Variants in MCU observed in about 807,000 individuals in gnomAD.
The protein encoded by MCU is calcium uniporter protein, mitochondrial.
Under a neutral mutation model 45.2 loss-of-function variants are expected in MCU, and 12 were observed. The ratio of observed to expected loss-of-function variants is 0.27; its 90% CI spans 0.17 to 0.43. The LOEUF (loss-of-function observed/expected upper bound fraction) is 0.43. Among genes scored for constraint, MCU ranks in the 20% least tolerant of loss-of-function variants. The pLI, the probability that MCU is intolerant of heterozygous loss-of-function variation, is 1.00. For missense variants in MCU, 324 were observed against 436.7 expected, an observed-to-expected ratio of 0.74 and a Z score of 2.30; for synonymous variants, 160 against 165.1, an observed-to-expected ratio of 0.97 and a Z score of 0.24.
chr10:72,692,814 C>G (rs990608097), intron 1 of MCU: 16 of 1,419,070 alleles, frequency 1.1e-5, no homozygotes, highest in African/African-American at 1.4e-5. Context: ...GGCCGCCCCT[C>G]GTCCTCTCTC....
intron 1 of MCU, among the ~76,000 whole-genome samples, chr10:72,703,404 C>A (rs557030195): frequency 2.6e-5 from 4 of 152,298 alleles, no homozygotes; most frequent in African/African-American, 9.6e-5. Context: ...TCACACCTAG[C>A]ATATAAACCC....
intron 1 of MCU, among the ~76,000 whole-genome samples, chr10:72,786,991 A>G (rs778687822): frequency 2.0e-5 from 3 of 152,204 alleles, no homozygotes; most frequent in Non-Finnish European, 4.4e-5. Context: ...GAAAATTTAT[A>G]TATGGAGAGA....
At chr10:72,846,954 G>A (rs980110734) in intron 2 of MCU, among the ~76,000 whole-genome samples, 3 of 152,188 alleles carry the variant, frequency 2.0e-5, no homozygotes, top group African/African-American at 7.2e-5. Flanking sequence ...AGACAGCTGA[G>A]CTTTAGATGT....
intron 1 of MCU, among the ~76,000 whole-genome samples, chr10:72,765,748 C>T (rs1389664658): frequency 7.6e-6 from 1 of 131,818 alleles, no homozygotes; most frequent in East Asian, 2.2e-4. Context: ...GAGTTATGAT[C>T]TACACTCTAG....
intron 1 of MCU, among the ~76,000 whole-genome samples, chr10:72,736,285 A>G (rs543901647): frequency 1.3e-5 from 2 of 152,240 alleles, no homozygotes; most frequent in East Asian, 3.9e-4. Flanking sequence ...CTGGGCTGTT[A>G]CAGATCATTC....
chr10:72,779,955 C>T (rs1843963687), intron 1 of MCU, among the ~76,000 whole-genome samples: 1 of 152,078 alleles, frequency 6.6e-6, no homozygotes, highest in Non-Finnish European at 1.5e-5. Context: ...GAAATAAAAG[C>T]ACATATCTAC....
chr10:72,806,846 C>G (rs2132793507), intron 1 of MCU, among the ~76,000 whole-genome samples: 1 of 152,238 alleles, frequency 6.6e-6, no homozygotes, highest in African/African-American at 2.4e-5. Context: ...ATACTTCAGG[C>G]AGAGAAACGA....
At chr10:72,779,453 T>G (rs1383942389) in intron 1 of MCU, among the ~76,000 whole-genome samples, 1 of 152,138 alleles carries the variant, frequency 6.6e-6, no homozygotes, top group Non-Finnish European at 1.5e-5. Flanking sequence ...AATTGAAAAC[T>G]TCTGTGGTGC....
chr10:72,802,104 C>A (rs551559298), intron 1 of MCU, among the ~76,000 whole-genome samples: 2 of 152,178 alleles, frequency 1.3e-5, no homozygotes, highest in Admixed American at 1.3e-4. Flanking sequence ...AGAGGTTCAT[C>A]CATTCTGTCC....
At chr10:72,831,363 G>A (rs370079671) in intron 1 of MCU, among the ~76,000 whole-genome samples, 1 of 152,004 alleles carries the variant, frequency 6.6e-6, no homozygotes, top group Non-Finnish European at 1.5e-5. Context: ...AAACGAAACC[G>A]AATGGTAGAG....
chr10:72,692,426 C>T (rs1842634506), intron 1 of MCU, 125 bp downstream of exon 1: 2 of 850,836 alleles, frequency 2.4e-6, no homozygotes, highest in Non-Finnish European at 1.4e-6. Flanking sequence ...CGGAGGTTGC[C>T]GGGCACCGAG....
intron 4 of MCU, among the ~76,000 whole-genome samples, chr10:72,864,104 A>G (rs868610231): frequency 6.6e-6 from 1 of 152,114 alleles, no homozygotes; most frequent in Non-Finnish European, 1.5e-5. Flanking sequence ...ATAGTATACT[A>G]CTCTAGTAAT....
chr10:72,715,414 A>G (rs926553340), intron 1 of MCU, among the ~76,000 whole-genome samples: 3 of 152,282 alleles, frequency 2.0e-5, no homozygotes, highest in Middle Eastern at 3.4e-3. Flanking sequence ...CTGTTGCACA[A>G]TAGAATATTT....
At chr10:72,741,794 C>G (rs981312204) in intron 1 of MCU, among the ~76,000 whole-genome samples, 1 of 152,134 alleles carries the variant, frequency 6.6e-6, no homozygotes, top group South Asian at 2.1e-4. Flanking sequence ...TTTGGGAGGC[C>G]GAGGCGGGTG....
intron 1 of MCU, among the ~76,000 whole-genome samples, chr10:72,697,096 T>G (rs1044229886): frequency 1.3e-5 from 2 of 152,198 alleles, no homozygotes; most frequent in African/African-American, 4.8e-5. Context: ...ATAAATATGT[T>G]TAAGAACAGA....
chr10:72,862,908 TAAAAAAAAAGAAA>T (rs1157206001), intron 4 of MCU, among the ~76,000 whole-genome samples: 2 of 146,512 alleles, frequency 1.4e-5, no homozygotes, highest in African/African-American at 5.1e-5. Context: ...CACATCTTTT[TAAAAAAAAAGAAA>T]AAAAAAAAAG....
chr10:72,753,619 A>G (rs1355706483), intron 1 of MCU, among the ~76,000 whole-genome samples: 1 of 152,194 alleles, frequency 6.6e-6, no homozygotes, highest in Non-Finnish European at 1.5e-5. Flanking sequence ...TTATGCCTGT[A>G]GTCCCAGAAC....
chr10:72,805,210 CT>C (rs574421452), intron 1 of MCU, among the ~76,000 whole-genome samples: 39 of 142,402 alleles, frequency 2.7e-4, no homozygotes, highest in African/African-American at 9.0e-4. Flanking sequence ...TCCTTTCTTC[CT>C]TTCCTTTCCT....
intron 1 of MCU, among the ~76,000 whole-genome samples, chr10:72,772,740 A>G (rs750631782): frequency 6.6e-6 from 1 of 152,178 alleles, no homozygotes; most frequent in Non-Finnish European, 1.5e-5. Context: ...AGAAAAAACC[A>G]AAATAACAAA....
Sources: gnomAD v4.1 joint callset for allele counts (sites outside exome capture counted in the v4.1 genomes callset) on GRCh38, gnomAD v4.1.1 for gene constraint, MANE v1.5 for transcripts, NCBI Gene and HGNC (gene_info 2026-07-23, HGNC 2026-07-21) for gene names.